Variants in CLIC4 observed in about 807,000 individuals in gnomAD.
The protein encoded by CLIC4 is chloride intracellular channel protein 4.
A neutral mutation model predicts 24.6 loss-of-function variants in CLIC4; 13 were observed. The observed-to-expected ratio is 0.53, with a 90% confidence interval of 0.34 to 0.84. The LOEUF is 0.84. Among genes scored for constraint, CLIC4 ranks in the 40% least tolerant of loss-of-function variants. CLIC4 has a pLI of 0.01. For synonymous variants in CLIC4, 104 were observed against 111.3 expected (o/e 0.93, Z 0.41); for missense variants, 227 against 301.7 (o/e 0.75, Z 1.83).
chr1:24,790,433 A>ATAAATAAATT (rs1376693102), intron 1 of CLIC4, among the ~76,000 whole-genome samples: 2 of 152,252 alleles, frequency 1.3e-5, no homozygotes, highest in Non-Finnish European at 2.9e-5. Flanking sequence ...AGAAAAATAA[A>ATAAATAAATT]TAAATAAATT....
At chr1:24,752,283 T>C (rs1348213021) in intron 1 of CLIC4, among the ~76,000 whole-genome samples, 2 of 152,200 alleles carry the variant, frequency 1.3e-5, no homozygotes, top group Non-Finnish European at 2.9e-5. Flanking sequence ...TTTAAGTTGC[T>C]GTAATAAGTT....
intron 3 of CLIC4, among the ~76,000 whole-genome samples, chr1:24,816,000 A>C (rs1382120175): frequency 6.6e-6 from 1 of 152,190 alleles, no homozygotes; most frequent in Non-Finnish European, 1.5e-5. Context: ...TGCTCATCAT[A>C]AGAAGCAACT....
chr1:24,786,498 C>G (rs774869283), intron 1 of CLIC4, among the ~76,000 whole-genome samples: 1 of 152,172 alleles, frequency 6.6e-6, no homozygotes, highest in Non-Finnish European at 1.5e-5. Context: ...AGAAAATACT[C>G]CTTTTATAAG....
intron 1 of CLIC4, among the ~76,000 whole-genome samples, chr1:24,782,876 G>A (rs1639221548): frequency 6.6e-6 from 1 of 152,082 alleles, no homozygotes; most frequent in African/African-American, 2.4e-5. Context: ...CTACTGCAGA[G>A]GCTGTGGTGG....
At chr1:24,785,323 G>A (rs550020699) in intron 1 of CLIC4, among the ~76,000 whole-genome samples, 4 of 152,236 alleles carry the variant, frequency 2.6e-5, no homozygotes, top group African/African-American at 7.2e-5. Flanking sequence ...CAGGAACTGT[G>A]TGTATCCTAA....
At chr1:24,748,398 T>C (rs2124073392) in intron 1 of CLIC4, among the ~76,000 whole-genome samples, 1 of 152,106 alleles carries the variant, frequency 6.6e-6, no homozygotes, top group Middle Eastern at 3.4e-3. Context: ...TTGTTTTCAC[T>C]CTTTAAGCCT....
rs191219232 is a variant in CLIC4, at chr1:24,840,764, G to A, written c.598-9G>A. The A allele has an allele frequency of 3.1e-6, 5 of 1,599,456 alleles. No homozygotes were observed. The East Asian group carries it at 6.8e-5, about 22-fold the overall frequency. The stretch of plus-strand genomic sequence containing the variant: ...AAGTCTGTTAACTTTTGATCTCTTT[G>A]TATTTCAGGTGGTGGCCAAAAAATA... On this transcript the variant is annotated splice_polypyrimidine_tract_variant and intron_variant, in intron 5 of 5. Coordinates refer to ENST00000374379, the MANE Select transcript of CLIC4 (RefSeq NM_013943.3).
chr1:24,771,282 C>T (rs191068184), intron 1 of CLIC4, among the ~76,000 whole-genome samples: 2 of 152,234 alleles, frequency 1.3e-5, no homozygotes, highest in African/African-American at 2.4e-5. Flanking sequence ...TGTTCTGAAT[C>T]CTTCTCTGAC....
At chr1:24,784,503 A>G (rs1487932770) in intron 1 of CLIC4, among the ~76,000 whole-genome samples, 1 of 152,208 alleles carries the variant, frequency 6.6e-6, no homozygotes, top group East Asian at 1.9e-4. Flanking sequence ...TTTGTCTTCA[A>G]TAAGGTAAAT....
intron 4 of CLIC4, among the ~76,000 whole-genome samples, chr1:24,830,749 A>C (rs922298116): frequency 2.0e-5 from 3 of 152,168 alleles, no homozygotes; most frequent in South Asian, 2.1e-4. Flanking sequence ...TGCACTTAAA[A>C]ATTTTTTGAG....
At position 24,757,913 on chromosome 1, in the gene CLIC4, G is replaced by A. The variant is rs542383883; in HGVS notation, c.72+12288G>A. On this transcript the variant is annotated intron_variant, in intron 1 of 5. Coordinates refer to ENST00000374379, the MANE Select transcript of CLIC4 (RefSeq NM_013943.3). The stretch of plus-strand genomic sequence containing the variant: ...CTTCCAAGTAGCTGGGACCACAGGC[G>A]CATGCCACCATGCTTGGCTGCTTTT... 2.6e-5 allele frequency among the ~76,000 whole-genome samples: 4 copies of A among 151,904 alleles called. No individual in the cohort carries two copies. The East Asian group carries it at 7.8e-4, about 30-fold the overall frequency.
At chr1:24,792,611 C>T (rs940839001) in intron 1 of CLIC4, among the ~76,000 whole-genome samples, 6 of 152,104 alleles carry the variant, frequency 3.9e-5, no homozygotes, top group African/African-American at 7.2e-5. Flanking sequence ...GATGACTTTT[C>T]TTATTTGACT....
At position 24,842,369 on chromosome 1, in the gene CLIC4, G is replaced by A. The variant is rs1639952151; in HGVS notation, c.*1432G>A. 1.3e-5 allele frequency: 2 copies of A among 152,138 alleles called. No individual in the cohort carries two copies. Among genetic ancestry groups the A allele is most frequent in the South Asian group, 4.1e-4 (2 of 4,834 alleles). 9.4% of individuals were successfully genotyped at this position (152,138 alleles called of 1,614,324 possible). A position where few individuals can be genotyped will look rare whatever the true frequency, so the allele number is the denominator to read the frequency against. On this transcript the variant is annotated 3_prime_UTR_variant, in exon 6 of 6. Coordinates refer to ENST00000374379, the MANE Select transcript of CLIC4 (RefSeq NM_013943.3). Reference sequence around the variant, plus strand: ...CTTTCTACGTACTACTCCAAAGACTGTGATTGTGACTATAATACATTTTTG... The same window carrying A: ...CTTTCTACGTACTACTCCAAAGACTATGATTGTGACTATAATACATTTTTG...
chr1:24,773,589 AC>A lies in CLIC4; in HGVS notation c.73-24151del, dbSNP rs1318401040. Among the ~76,000 whole-genome samples the A allele has an allele frequency of 3.3e-5, 4 of 122,282 alleles. No homozygotes were observed. The East Asian group carries it at 9.9e-4, about 30-fold the overall frequency. 80.2% of individuals were successfully genotyped at this position (122,282 alleles called of 152,430 possible). A position where few individuals can be genotyped will look rare whatever the true frequency, so the allele number is the denominator to read the frequency against. ...TAGACAATGAAAAAGTTTGAGATGC[AC>A]CTTTTTTTTTTTTTTTTTTTTTTTT... On this transcript the variant is annotated intron_variant, in intron 1 of 5. Transcript: ENST00000374379.
intron 2 of CLIC4, among the ~76,000 whole-genome samples, chr1:24,805,095 A>AC (rs912800583): frequency 7.0e-6 from 1 of 142,370 alleles, no homozygotes; most frequent in African/African-American, 2.5e-5. Context: ...TCAAAAAAAA[A>AC]AAAAAAAAAA....
rs960433933 is a variant in CLIC4, at chr1:24,841,723, G to A, written c.*786G>A. The stretch of plus-strand genomic sequence containing the variant: ...CTGTCTAAATACGTTTGTTATATGT[G>A]TTTTGCCCTGTGCCATTCATTTGGA... On this transcript the variant is annotated 3_prime_UTR_variant, in exon 6 of 6. Transcript: ENST00000374379. The A allele has an allele frequency of 6.6e-6, 1 of 152,540 alleles. No individual in the cohort carries two copies. The highest frequency in any genetic ancestry group is 1.5e-5 in the Non-Finnish European group (1 of 68,012). 9.4% of individuals were successfully genotyped at this position (152,540 alleles called of 1,614,324 possible). A position where few individuals can be genotyped will look rare whatever the true frequency, so the allele number is the denominator to read the frequency against.
intron 2 of CLIC4, among the ~76,000 whole-genome samples, chr1:24,799,534 A>C (rs1571249577): frequency 2.2e-5 from 3 of 138,684 alleles, no homozygotes; most frequent in African/African-American, 2.7e-5. Context: ...TCCGCCCGGC[A>C]GCCCCCCCAT....
rs545829760 is a variant in CLIC4 at position 24,757,712 on chromosome 1, A to G, written c.72+12087A>G. On this transcript the variant is annotated intron_variant, in intron 1 of 5. Transcript: ENST00000374379. ...AAGAAATTAAATTTAAGCCTTGACC[A>G]TAACACACACCCAAGACTGAAATGA... is the stretch of plus-strand genomic sequence containing the variant. Among the ~76,000 whole-genome samples, 5 of 152,362 alleles carry G rather than the reference A, an allele frequency of 3.3e-5. No homozygotes were observed. The South Asian group carries it at 8.3e-4, about 25-fold the overall frequency.
chr1:24,764,526 C>T (rs774307371), intron 1 of CLIC4, among the ~76,000 whole-genome samples: 21 of 152,036 alleles, frequency 1.4e-4, no homozygotes, highest in African/African-American at 3.9e-4. Flanking sequence ...TTGAGGCACA[C>T]GCCTATGGTC....
Sources: allele counts gnomAD v4.1 joint callset (sites outside exome capture counted in the v4.1 genomes callset), GRCh38; gene constraint gnomAD v4.1.1; transcripts MANE v1.5; gene names NCBI Gene and HGNC (gene_info 2026-07-23, HGNC 2026-07-21).